The following MINDY2 variants were observed in gnomAD, a reference collection of about 807,000 sequenced individuals.
MINDY2 encodes ubiquitin carboxyl-terminal hydrolase MINDY-2.
Under a neutral mutation model 68.2 loss-of-function variants are expected in MINDY2, and 52 were observed. The observed-to-expected ratio is 0.76, with a 90% CI of 0.61 to 0.96. The LOEUF (loss-of-function observed/expected upper bound fraction) is 0.96. Among genes scored for constraint, MINDY2 ranks in the 40% least tolerant of loss-of-function variants. The pLI, the probability that MINDY2 is intolerant of heterozygous loss-of-function variation, is 0.00. For missense variants in MINDY2, 881 were observed against 773.4 expected (o/e 1.14, Z -1.65); for synonymous variants, 372 against 303.0 (o/e 1.23, Z -2.36).
intron 6 of MINDY2, among the ~76,000 whole-genome samples, chr15:58,838,582 A>ATTTTTTTTTTTTTTTTTTTT (rs780140528): frequency 1.1e-5 from 1 of 93,090 alleles, no homozygotes. Flanking sequence ...CTTTTTAGGG[A>ATTTTTTTTTTTTTTTTTTTT]TTTTTTTTTT....
At chr15:58,773,429 T>C (rs1212244728) in intron 1 of MINDY2, among the ~76,000 whole-genome samples, 1 of 152,236 alleles carries the variant, frequency 6.6e-6, no homozygotes, top group Non-Finnish European at 1.5e-5. Flanking sequence ...AACCTTGCCA[T>C]TGTCTGGTGC....
rs752669206 is a variant in MINDY2, at chr15:58,851,906, T to C, written c.1678T>C (p.Tyr560His). Residue 560 changes from tyrosine to histidine, a missense_variant, in exon 8 of 9, where the codon TAC becomes CAC. Tyr to His is a moderately conservative substitution (Grantham distance 83, BLOSUM62 2). Transcript: ENST00000559228. Reference protein sequence around the residue: ...QEEEDRRASQYYQEQEQAAAA... With the variant: ...QEEEDRRASQHYQEQEQAAAA... ...GGAAGAGGACAGACGGGCTTCTCAA[T>C]ACTATCAGGAACAGGAACAAGCAGC... 6.2e-7 allele frequency: 1 copy of C among 1,611,278 alleles called. No individual in the cohort carries two copies. The highest frequency in any genetic ancestry group is 1.3e-5 in the African/African-American group (1 of 74,688).
At chr15:58,820,267 A>AACAG (rs1440692442) in intron 4 of MINDY2, among the ~76,000 whole-genome samples, 2 of 148,756 alleles carry the variant, frequency 1.3e-5, no homozygotes, top group African/African-American at 2.5e-5. Flanking sequence ...TCCATCTCAA[A>AACAG]ACAAACAAAC....
At chr15:58,800,996 C>CA (rs1902608173) in intron 2 of MINDY2, among the ~76,000 whole-genome samples, 1 of 152,044 alleles carries the variant, frequency 6.6e-6, no homozygotes, top group African/African-American at 2.4e-5. Flanking sequence ...GTTTTTGAGA[C>CA]AGAGTCTCGC....
intron 6 of MINDY2, among the ~76,000 whole-genome samples, chr15:58,839,114 AT>A (rs1387360140): frequency 6.6e-5 from 10 of 150,926 alleles, no homozygotes; most frequent in South Asian, 2.1e-4. Flanking sequence ...TATTTATTTA[AT>A]TTTTTTTTGA....
rs537732137 is a variant in MINDY2 at position 58,820,243 on chromosome 15, C to T, written c.1123-1474C>T. 3.3e-5 allele frequency among the ~76,000 whole-genome samples: 5 copies of T among 151,290 alleles called. No homozygotes were observed. The East Asian group carries it at 9.7e-4, about 29-fold the overall frequency. On this transcript the variant is annotated intron_variant, in intron 4 of 8. Coordinates refer to ENST00000559228, the MANE Select transcript of MINDY2 (RefSeq NM_001040450.3). ...ACTGTGTCAGTGCACTCTAGCCTGG[C>T]GACAGAGTGAGATTCCATCTCAAAA...
intron 5 of MINDY2, among the ~76,000 whole-genome samples, chr15:58,831,282 G>A (rs2031716098): frequency 6.6e-6 from 1 of 151,988 alleles, no homozygotes; most frequent in Admixed American, 6.6e-5. Flanking sequence ...GAATTGAGAA[G>A]TTTACAACTT....
Position 58,857,880 on chromosome 15 carries a change from C to T in MINDY2, c.*3270C>T, listed in dbSNP as rs1190517450. On this transcript the variant is annotated 3_prime_UTR_variant, in exon 9 of 9. Coordinates refer to ENST00000559228, the MANE Select transcript of MINDY2 (RefSeq NM_001040450.3). ...TTTACTTTCAGAGTCTAAGTATATT[C>T]CTTAAGGTTAGTAACCAGTCTTTAT... The T allele has an allele frequency of 2.6e-5, 4 of 152,104 alleles. No individual in the cohort carries two copies. The highest frequency in any genetic ancestry group is 4.8e-5 in the African/African-American group (2 of 41,406). 9.4% of individuals were successfully genotyped at this position (152,104 alleles called of 1,614,324 possible). A position where few individuals can be genotyped will look rare whatever the true frequency, so the allele number is the denominator to read the frequency against.
At chr15:58,781,334 G>A (rs1595701700) in intron 1 of MINDY2, among the ~76,000 whole-genome samples, 1 of 151,956 alleles carries the variant, frequency 6.6e-6, no homozygotes, top group Non-Finnish European at 1.5e-5. Context: ...TTACAGGCAT[G>A]AGCCACCGCA....
chr15:58,854,128 T>C (rs916525210), intron 8 of MINDY2, among the ~76,000 whole-genome samples: 4 of 151,626 alleles, frequency 2.6e-5, no homozygotes, highest in South Asian at 4.2e-4. Flanking sequence ...CCTGTAATCC[T>C]AGCTACTTGG....
intron 5 of MINDY2, among the ~76,000 whole-genome samples, chr15:58,824,496 A>C (rs2031263045): frequency 6.6e-6 from 1 of 152,142 alleles, no homozygotes; most frequent in African/African-American, 2.4e-5. Context: ...TAGCATAATT[A>C]AAAAGCTAAA....
chr15:58,837,968 C>CAAAAAAA (rs34909401), intron 6 of MINDY2, among the ~76,000 whole-genome samples: 7 of 75,122 alleles, frequency 9.3e-5, no homozygotes, highest in African/African-American at 3.2e-4. Flanking sequence ...GACCTTCTTT[C>CAAAAAAA]AAAAAAAAAA....
chr15:58,837,343 C>G (rs2032041097), intron 6 of MINDY2, among the ~76,000 whole-genome samples: 1 of 151,962 alleles, frequency 6.6e-6, no homozygotes, highest in African/African-American at 2.4e-5. Flanking sequence ...GAGGCCAAGG[C>G]TGGACAGTCG....
chr15:58,795,776 C>CT (rs1471432104), intron 2 of MINDY2, among the ~76,000 whole-genome samples: 3 of 142,954 alleles, frequency 2.1e-5, no homozygotes, highest in African/African-American at 5.2e-5. Flanking sequence ...TTTTTTTTTT[C>CT]TTTTTTTTGG....
At chr15:58,844,330 A>T (rs1307020279) in intron 6 of MINDY2, among the ~76,000 whole-genome samples, 1 of 149,766 alleles carries the variant, frequency 6.7e-6, no homozygotes, top group Non-Finnish European at 1.5e-5. Context: ...GGTGGATCAC[A>T]AGGTCAGGAG....
At chr15:58,778,918 T>C (rs1333169144) in intron 1 of MINDY2, among the ~76,000 whole-genome samples, 1 of 151,208 alleles carries the variant, frequency 6.6e-6, no homozygotes, top group Non-Finnish European at 1.5e-5. Flanking sequence ...GTTCATGCAG[T>C]TTCCGGCTAA....
rs755213669 is a variant in MINDY2 at position 58,771,848 on chromosome 15, C to T, written c.453C>T (p.Pro151=). The T allele has an allele frequency of 6.3e-7, 1 of 1,597,664 alleles. No homozygotes were observed. Among genetic ancestry groups the T allele is most frequent in the Non-Finnish European group, 8.5e-7 (1 of 1,172,766 alleles). The part of the protein sequence containing the change: ...AELTAAGSEE[P]SSAGGLSSSC... ...TGACCGCCGCCGGCTCCGAAGAGCCCAGCAGCGCCGGCGGCCTCAGCAGCA... is the reference window on the plus strand; with the variant it reads ...TGACCGCCGCCGGCTCCGAAGAGCCTAGCAGCGCCGGCGGCCTCAGCAGCA... Residue 151 remains proline, a synonymous_variant, in exon 1 of 9, where the codon CCC becomes CCT. Coordinates refer to ENST00000559228, the MANE Select transcript of MINDY2 (RefSeq NM_001040450.3).
intron 1 of MINDY2, among the ~76,000 whole-genome samples, chr15:58,780,014 G>C (rs1901031367): frequency 6.6e-6 from 1 of 152,148 alleles, no homozygotes; most frequent in Non-Finnish European, 1.5e-5. Context: ...TCCAGATACT[G>C]TGCATTATTT....
chr15:58,827,371 TTA>T (rs2031461271), intron 5 of MINDY2, among the ~76,000 whole-genome samples: 1 of 152,188 alleles, frequency 6.6e-6, no homozygotes, highest in Non-Finnish European at 1.5e-5. Flanking sequence ...CTTCTGTTTA[TTA>T]GTTGTTATTC....
Sources: allele counts gnomAD v4.1 joint callset (sites outside exome capture counted in the v4.1 genomes callset), GRCh38; gene constraint gnomAD v4.1.1; transcripts MANE v1.5; gene names NCBI Gene and HGNC (gene_info 2026-07-23, HGNC 2026-07-21).